ATRNL1: variants seen among roughly 807,000 people sequenced by gnomAD.
ATRNL1 encodes the protein attractin like 1.
In ATRNL1, 95 loss-of-function variants were observed where a neutral mutation model predicts 182.7. The observed-to-expected ratio is 0.52, with a 90% CI of 0.44 to 0.62. ATRNL1 has a LOEUF of 0.62. Among genes scored for constraint, ATRNL1 ranks in the 20% least tolerant of loss-of-function variants. ATRNL1 has a pLI of 0.00. For synonymous variants in ATRNL1, 576 were observed against 568.3 expected (o/e 1.01, Z -0.19); for missense variants, 1,471 against 1,679.5 (o/e 0.88, Z 2.17).
chr10:115,174,904 A>G (rs1185609677), intron 8 of ATRNL1, among the ~76,000 whole-genome samples: 1 of 151,972 alleles, frequency 6.6e-6, no homozygotes, highest in African/African-American at 2.4e-5. Context: ...GCCCCAAAGT[A>G]GCCTGATATC....
chr10:115,122,566 G>A lies in ATRNL1; in HGVS notation c.491+754G>A, dbSNP rs140825332. Among the ~76,000 whole-genome samples the A allele has an allele frequency of 3.7e-3, 557 of 151,978 alleles. 2 individuals carry two copies. Among genetic ancestry groups the A allele is most frequent in the African/African-American group, 0.012 (504 of 41,508 alleles). Reference sequence around the variant, plus strand: ...TGTTCTGTCATTGCTGGAAATTTAAGTATGGATAAAAGCTTATTGGTCCCT... The same window carrying A: ...TGTTCTGTCATTGCTGGAAATTTAAATATGGATAAAAGCTTATTGGTCCCT... On this transcript the variant is annotated intron_variant, in intron 3 of 28. Transcript: ENST00000355044.
At chr10:115,754,954 G>A (rs1948547280) in intron 27 of ATRNL1, among the ~76,000 whole-genome samples, 1 of 152,138 alleles carries the variant, frequency 6.6e-6, no homozygotes, top group Admixed American at 6.5e-5. Flanking sequence ...GTTGACTCAT[G>A]ATTTGGCTCT....
intron 26 of ATRNL1, among the ~76,000 whole-genome samples, chr10:115,658,090 CTTTTTT>C (rs71010038): frequency 0.013 from 1,179 of 90,324 alleles, 9 homozygotes; most frequent in African/African-American, 0.048. Context: ...AATTTTTTTC[CTTTTTT>C]TTTTTTTTTT....
chr10:115,215,661 A>G lies in ATRNL1; in HGVS notation c.1349-36A>G, dbSNP rs11197121. ...TATATTAGTTATATTTAAAAATACTACTTGAAATTTATAATGTATTTTATT... is the reference window on the plus strand; with the variant it reads ...TATATTAGTTATATTTAAAAATACTGCTTGAAATTTATAATGTATTTTATT... On this transcript the variant is annotated intron_variant, in intron 8 of 28. Coordinates refer to ENST00000355044, the MANE Select transcript of ATRNL1 (RefSeq NM_207303.4). 4.8e-3 allele frequency: 6,974 copies of G among 1,468,156 alleles called. 280 individuals are homozygous for G. The African/African-American group carries it at 0.089, about 19-fold the overall frequency. 90.9% of individuals were successfully genotyped at this position (1,468,156 alleles called of 1,614,324 possible).
intron 26 of ATRNL1, among the ~76,000 whole-genome samples, chr10:115,633,860 T>A (rs1555027214): frequency 1.3e-5 from 2 of 152,162 alleles, no homozygotes; most frequent in Non-Finnish European, 2.9e-5. Flanking sequence ...CAATTTGATA[T>A]TTCCATTGAT....
At chr10:115,211,979 G>A (rs772900309) in intron 8 of ATRNL1, among the ~76,000 whole-genome samples, 3 of 151,448 alleles carry the variant, frequency 2.0e-5, no homozygotes, top group African/African-American at 7.3e-5. Context: ...TTTCATATTG[G>A]ATAAATTTTA....
At chr10:115,489,919 G>T (rs1460363466) in intron 24 of ATRNL1, among the ~76,000 whole-genome samples, 1 of 152,148 alleles carries the variant, frequency 6.6e-6, no homozygotes, top group Non-Finnish European at 1.5e-5. Context: ...AGGCAGGCCT[G>T]TTGGTGACAG....
At chr10:115,488,067 G>T (rs1490599632) in intron 24 of ATRNL1, among the ~76,000 whole-genome samples, 5 of 152,172 alleles carry the variant, frequency 3.3e-5, no homozygotes, top group Admixed American at 2.0e-4. Flanking sequence ...TCTCAGGGAT[G>T]AAGCTGACTT....
At chr10:115,620,202 G>A (rs1414581303) in intron 26 of ATRNL1, among the ~76,000 whole-genome samples, 5 of 152,276 alleles carry the variant, frequency 3.3e-5, no homozygotes, top group Admixed American at 3.3e-4. Flanking sequence ...AAGCATGCCT[G>A]TCACATAGGT....
In ATRNL1 at chr10:115,229,297, A is replaced by AT. The variant is rs142630699; in HGVS notation, c.1533-12265dup. Among the ~76,000 whole-genome samples the AT allele has an allele frequency of 9.7e-4, 147 of 151,286 alleles. 2 individuals carry two copies. In the South Asian group the frequency reaches 0.021, roughly 22 times the overall value. On this transcript the variant is annotated intron_variant, in intron 9 of 28. Transcript: ENST00000355044. ...ATATTAAAAACTATGTTATGAAATT[A>AT]TTTTTTTTTGTGATTTCTCTAAAAA... is the stretch of plus-strand genomic sequence containing the variant.
intron 27 of ATRNL1, among the ~76,000 whole-genome samples, chr10:115,731,190 C>A (rs559996902): frequency 6.6e-6 from 1 of 152,210 alleles, no homozygotes; most frequent in African/African-American, 2.4e-5. Flanking sequence ...CAGTATTAAC[C>A]GTCACAATCA....
In ATRNL1 at chr10:115,948,796, T is replaced by G. The variant is rs1378722563; in HGVS notation, c.*4017T>G. On this transcript the variant is annotated 3_prime_UTR_variant, in exon 29 of 29. Coordinates refer to ENST00000355044, the MANE Select transcript of ATRNL1 (RefSeq NM_207303.4). ...TCATTAGAGTGTACATTTAACATTTTAGTTTTATCAAAATTTTTTGAAATT... is the reference window on the plus strand; with the variant it reads ...TCATTAGAGTGTACATTTAACATTTGAGTTTTATCAAAATTTTTTGAAATT... The G allele has an allele frequency of 6.6e-6, 1 of 152,248 alleles. No homozygotes were observed. The highest frequency in any genetic ancestry group is 1.5e-5 in the Non-Finnish European group (1 of 68,038). 9.4% of individuals were successfully genotyped at this position (152,248 alleles called of 1,614,324 possible).
chr10:115,781,429 G>C (rs1949263237), intron 27 of ATRNL1, among the ~76,000 whole-genome samples: 3 of 152,168 alleles, frequency 2.0e-5, no homozygotes, highest in Non-Finnish European at 4.4e-5. Context: ...TCTGTATACA[G>C]TCAAAAGTCA....
chr10:115,227,410 A>C (rs782111452), intron 9 of ATRNL1, among the ~76,000 whole-genome samples: 1 of 152,090 alleles, frequency 6.6e-6, no homozygotes. Context: ...AACAACAACA[A>C]CACAGCAGAT....
At position 115,241,179 on chromosome 10, in the gene ATRNL1, T is replaced by A. The variant is rs557644353; in HGVS notation, c.1533-392T>A. On this transcript the variant is annotated intron_variant, in intron 9 of 28. Transcript: ENST00000355044. The stretch of plus-strand genomic sequence containing the variant: ...TGGAGTCCATATGAGTTACACAGTT[T>A]TAACCAAATATAGTTTAGACTAAAT... 3.3e-5 allele frequency among the ~76,000 whole-genome samples: 5 copies of A among 152,090 alleles called. No homozygotes were observed. In the South Asian group the frequency reaches 1.0e-3, roughly 32 times the overall value.
At position 115,183,552 on chromosome 10, in the gene ATRNL1, T is replaced by C. The variant is rs542443683; in HGVS notation, c.1348+12260T>C. On this transcript the variant is annotated intron_variant, in intron 8 of 28. Coordinates refer to ENST00000355044, the MANE Select transcript of ATRNL1 (RefSeq NM_207303.4). ...GATAGGATATTAAAATAGTAGACTA[T>C]CTTGTACAACAATGCAATTAAATTT... Among the ~76,000 whole-genome samples the C allele has an allele frequency of 6.0e-4, 91 of 151,694 alleles. 1 individual carries two copies. The highest frequency in any genetic ancestry group is 2.0e-3 in the African/African-American group (82 of 41,518).
chr10:115,534,461 A>T (rs1565141218), intron 25 of ATRNL1, among the ~76,000 whole-genome samples: 6 of 152,238 alleles, frequency 3.9e-5, no homozygotes. Flanking sequence ...TGCTTGGCAG[A>T]TCTTCCTCCA....
chr10:115,097,060 TGTAGA>T (rs1554863310), intron 1 of ATRNL1, among the ~76,000 whole-genome samples: 1 of 152,192 alleles, frequency 6.6e-6, no homozygotes, highest in African/African-American at 2.4e-5. Context: ...GAATTAATTT[TGTAGA>T]GTAGAGATTT....
At chr10:115,333,086 A>G (rs1855309182) in intron 18 of ATRNL1, among the ~76,000 whole-genome samples, 1 of 152,230 alleles carries the variant, frequency 6.6e-6, no homozygotes, top group Non-Finnish European at 1.5e-5. Flanking sequence ...GATACCAACT[A>G]CAAACAATTG....
Sources: gnomAD v4.1 joint callset for allele counts (sites outside exome capture counted in the v4.1 genomes callset) on GRCh38, gnomAD v4.1.1 for gene constraint, MANE v1.5 for transcripts, NCBI Gene and HGNC (gene_info 2026-07-23, HGNC 2026-07-21) for gene names.